Variants in PREX2 observed in about 807,000 individuals in gnomAD.
PREX2 encodes the protein phosphatidylinositol 3,4,5-trisphosphate-dependent Rac exchanger 2 protein.
A neutral mutation model predicts 203.2 loss-of-function variants in PREX2; 107 were observed. The ratio of observed to expected loss-of-function variants is 0.53; its 90% CI spans 0.45 to 0.62. The LOEUF is 0.62. Among genes scored for constraint, PREX2 ranks in the 20% least tolerant of loss-of-function variants. The pLI is 0.00. For synonymous variants in PREX2, 672 were observed against 663.6 expected, an observed-to-expected ratio of 1.01 and a Z score of -0.19; for missense variants, 1,777 against 1,955.9, an observed-to-expected ratio of 0.91 and a Z score of 1.72.
chr8:68,228,511 C>T (rs1813094987), intron 39 of PREX2, among the ~76,000 whole-genome samples: 1 of 151,954 alleles, frequency 6.6e-6, no homozygotes, highest in African/African-American at 2.4e-5. Context: ...GCCTGCAATC[C>T]CAGCACTTTG....
At chr8:68,063,097 G>T (rs905668763) in intron 11 of PREX2, among the ~76,000 whole-genome samples, 3 of 152,042 alleles carry the variant, frequency 2.0e-5, no homozygotes, top group African/African-American at 7.3e-5. Context: ...TAGGCTAAAA[G>T]CATCATTTAA....
At chr8:67,996,782 T>G (rs7013937) in intron 1 of PREX2, among the ~76,000 whole-genome samples, 77,913 of 151,642 alleles carry the variant, frequency 0.51, 20,170 homozygotes, top group East Asian at 0.61. Context: ...TATACATATA[T>G]GTCTATTGAT....
intron 35 of PREX2, among the ~76,000 whole-genome samples, chr8:68,165,993 G>T (rs866338948): frequency 1.8e-4 from 28 of 152,310 alleles, no homozygotes; most frequent in African/African-American, 6.5e-4. Flanking sequence ...CAGACCACTG[G>T]TGCCTAACTG....
intron 1 of PREX2, among the ~76,000 whole-genome samples, chr8:67,973,108 C>G (rs1490131321): frequency 6.6e-6 from 1 of 152,144 alleles, no homozygotes; most frequent in African/African-American, 2.4e-5. Flanking sequence ...ACTAGATATA[C>G]CCCTTTCTCC....
At chr8:67,969,164 G>T (rs866303576) in intron 1 of PREX2, among the ~76,000 whole-genome samples, 1 of 152,082 alleles carries the variant, frequency 6.6e-6, no homozygotes, top group Non-Finnish European at 1.5e-5. Flanking sequence ...TTTGGTTGGG[G>T]TTATCACTGG....
At position 68,055,933 on chromosome 8, in the gene PREX2, A is replaced by G. The variant is rs989186275; in HGVS notation, c.1197A>G (p.Arg399=). The G allele has an allele frequency of 1.9e-6, 3 of 1,613,302 alleles. No individual in the cohort carries two copies. The highest frequency in any genetic ancestry group is 1.7e-5 in the Admixed American group (1 of 59,924). ...MCRQGNLIKD[R]KRKLTTFPKC... is the part of the protein sequence containing the mutation. ...GACAAGGAAATCTGATCAAAGACCG[A>G]AAGAGAAAACTGACTACGTTCCCTA... The change falls in exon 10 of 40, where the codon CGA becomes CGG. Residue 399 remains arginine (R), a synonymous_variant. Transcript: ENST00000288368.
rs189396803 is a variant in PREX2, at chr8:68,030,250, G to T, written c.544-247G>T. On this transcript the variant is annotated intron_variant, in intron 5 of 39. Coordinates refer to ENST00000288368, the MANE Select transcript of PREX2 (RefSeq NM_024870.4). ...TAAGATATTTGACCATTCGAAAGGAGGAACCTAACTTAATTTTTAAAAACA... is the reference window on the plus strand; with the variant it reads ...TAAGATATTTGACCATTCGAAAGGATGAACCTAACTTAATTTTTAAAAACA... Among the ~76,000 whole-genome samples the T allele has an allele frequency of 1.7e-3, 260 of 152,136 alleles. 2 individuals are homozygous for T. The highest frequency in any genetic ancestry group is 0.017 in the Middle Eastern group (5 of 294).
rs112518639 is a variant in PREX2, at chr8:67,969,700, C to T, written c.141+17165C>T. 5.0e-3 allele frequency among the ~76,000 whole-genome samples: 765 copies of T among 152,304 alleles called. 4 individuals are homozygous for T. The highest frequency in any genetic ancestry group is 0.012 in the African/African-American group (514 of 41,576). On this transcript the variant is annotated intron_variant, in intron 1 of 39. Transcript: ENST00000288368. ...ATTTACCAGCTGCTGGGACCTTCCT[C>T]ATACATCAAGTCTGGTCTCTTCTGG...
intron 35 of PREX2, among the ~76,000 whole-genome samples, chr8:68,184,498 C>T (rs1269859909): frequency 6.6e-6 from 1 of 152,064 alleles, no homozygotes; most frequent in African/African-American, 2.4e-5. Flanking sequence ...TAAAAGCAAC[C>T]TAATACCGTT....
intron 11 of PREX2, among the ~76,000 whole-genome samples, chr8:68,064,924 T>C (rs1273321188): frequency 6.6e-6 from 1 of 152,204 alleles, no homozygotes; most frequent in Non-Finnish European, 1.5e-5. Flanking sequence ...CTACACCCCC[T>C]ACCTTCACCA....
At chr8:68,230,440 A>G (rs1307007998) in intron 39 of PREX2, among the ~76,000 whole-genome samples, 1 of 152,226 alleles carries the variant, frequency 6.6e-6, no homozygotes, top group African/African-American at 2.4e-5. Flanking sequence ...GAGAACAGGC[A>G]TAGTCCAATC....
chr8:68,119,969 A>G (rs1220443560), intron 28 of PREX2, among the ~76,000 whole-genome samples: 1 of 152,172 alleles, frequency 6.6e-6, no homozygotes, highest in African/African-American at 2.4e-5. Flanking sequence ...CTTATACAGT[A>G]AATTTATATT....
intron 1 of PREX2, among the ~76,000 whole-genome samples, chr8:67,991,773 T>C (rs1031021781): frequency 6.6e-6 from 1 of 151,968 alleles, no homozygotes; most frequent in African/African-American, 2.4e-5. Context: ...CATTAGGGAG[T>C]GGCGATGACT....
chr8:68,095,061 A>G (rs1232122853), intron 21 of PREX2: 1 of 152,222 alleles, frequency 6.6e-6, no homozygotes, highest in Non-Finnish European at 1.5e-5. Context: ...TGTCTGGAAG[A>G]GTGCTGAGCA....
chr8:68,213,026 C>G (rs1347524430), intron 37 of PREX2, among the ~76,000 whole-genome samples: 1 of 152,074 alleles, frequency 6.6e-6, no homozygotes, highest in Admixed American at 6.6e-5. Context: ...GACCTCTGGC[C>G]CTGCACCTCT....
At chr8:68,004,354 A>C (rs1807031507) in intron 1 of PREX2, among the ~76,000 whole-genome samples, 1 of 152,258 alleles carries the variant, frequency 6.6e-6, no homozygotes, top group Non-Finnish European at 1.5e-5. Context: ...TTTATGATAG[A>C]AAAAGTAAGT....
At chr8:67,983,111 TG>T (rs1437604153) in intron 1 of PREX2, among the ~76,000 whole-genome samples, 8 of 152,180 alleles carry the variant, frequency 5.3e-5, no homozygotes, top group Non-Finnish European at 1.2e-4. Context: ...ATAGTGGTGG[TG>T]GTATTTTTTT....
chr8:67,982,593 AT>A (rs1301687878), intron 1 of PREX2, among the ~76,000 whole-genome samples: 5 of 152,216 alleles, frequency 3.3e-5, no homozygotes, highest in African/African-American at 9.6e-5. Context: ...TATTTAAAAA[AT>A]ATATGTATTT....
intron 30 of PREX2, among the ~76,000 whole-genome samples, chr8:68,122,726 A>G (rs1424805242): frequency 6.6e-6 from 1 of 152,148 alleles, no homozygotes; most frequent in African/African-American, 2.4e-5. Context: ...TTAGATTCAA[A>G]GAACTTCTTG....
Sources: allele counts gnomAD v4.1 joint callset (sites outside exome capture counted in the v4.1 genomes callset), GRCh38; gene constraint gnomAD v4.1.1; transcripts MANE v1.5; gene names NCBI Gene and HGNC (gene_info 2026-07-23, HGNC 2026-07-21).